ROBO2: variants seen among roughly 807,000 people sequenced by gnomAD.
ROBO2 encodes the protein roundabout guidance receptor 2.
ROBO2 carries 53 observed loss-of-function variants against 160.8 expected under a neutral mutation model. That is an observed-to-expected ratio of 0.33 (90% CI 0.26 to 0.41). The LOEUF is 0.41. ROBO2 is among the 10% of genes least tolerant of loss of function. The pLI is 1.00. For synonymous variants in ROBO2, 664 were observed against 611.7 expected (o/e 1.09, Z -1.26); for missense variants, 1,577 against 1,722.4 (o/e 0.92, Z 1.49).
At chr3:76,446,640 A>G (rs1337253825) in intron 2 of ROBO2, among the ~76,000 whole-genome samples, 1 of 152,206 alleles carries the variant, frequency 6.6e-6, no homozygotes. Context: ...ACTTCAAACT[A>G]TACTACAAGG....
At chr3:77,638,537 C>G (rs1434658221) in intron 24 of ROBO2, among the ~76,000 whole-genome samples, 1 of 152,116 alleles carries the variant, frequency 6.6e-6, no homozygotes, top group Non-Finnish European at 1.5e-5. Flanking sequence ...GCTGCCTTCC[C>G]TGTGTCCCAT....
intron 2 of ROBO2, among the ~76,000 whole-genome samples, chr3:76,932,284 G>A (rs1289304411): frequency 3.9e-5 from 6 of 152,036 alleles, no homozygotes; most frequent in African/African-American, 1.4e-4. Context: ...GTTCAATAAT[G>A]ATCTCAGCCT....
intron 2 of ROBO2, among the ~76,000 whole-genome samples, chr3:77,178,690 T>C (rs2080397577): frequency 6.6e-6 from 1 of 152,124 alleles, no homozygotes; most frequent in Non-Finnish European, 1.5e-5. Flanking sequence ...TATTGCCATG[T>C]ACATATTTTA....
chr3:76,796,052 G>T (rs764494433), intron 2 of ROBO2, among the ~76,000 whole-genome samples: 15 of 152,138 alleles, frequency 9.9e-5, no homozygotes, highest in Non-Finnish European at 1.5e-4. Context: ...TGAGCAATAG[G>T]TCTCAAAATT....
intron 2 of ROBO2, among the ~76,000 whole-genome samples, chr3:75,951,487 C>T (rs1322612463): frequency 2.0e-5 from 3 of 151,992 alleles, no homozygotes; most frequent in Admixed American, 6.6e-5. Flanking sequence ...TTAAATTTGG[C>T]TTGTAGGCCC....
intron 2 of ROBO2, among the ~76,000 whole-genome samples, chr3:76,697,563 C>T (rs999462418): frequency 1.1e-4 from 17 of 152,214 alleles, no homozygotes; most frequent in African/African-American, 4.1e-4. Context: ...GGGAGAATCG[C>T]TTGAACCTGC....
intron 2 of ROBO2, among the ~76,000 whole-genome samples, chr3:77,307,978 G>A (rs1302061730): frequency 6.6e-6 from 1 of 151,902 alleles, no homozygotes; most frequent in Non-Finnish European, 1.5e-5. Flanking sequence ...AAAAAAGTAG[G>A]AGTAGGGATG....
chr3:77,206,839 T>C (rs1560234072), intron 2 of ROBO2, among the ~76,000 whole-genome samples: 1 of 152,114 alleles, frequency 6.6e-6, no homozygotes, highest in Admixed American at 6.6e-5. Context: ...AAGAATTCTG[T>C]AATCCATTGA....
intron 2 of ROBO2, among the ~76,000 whole-genome samples, chr3:76,266,218 G>A (rs1707091694): frequency 6.6e-6 from 1 of 151,924 alleles, no homozygotes; most frequent in South Asian, 2.1e-4. Flanking sequence ...ACTTCATCAT[G>A]GTGCATGATC....
In ROBO2 at chr3:76,656,042, G is replaced by A. The variant is rs529469565; in HGVS notation, c.110-441972G>A. Among the ~76,000 whole-genome samples, 4 of 151,972 alleles carry A rather than the reference G, an allele frequency of 2.6e-5. No individual in the cohort carries two copies. The East Asian group carries it at 5.8e-4, about 22-fold the overall frequency. ...AATCATATAGATTTAATTATTAAAC[G>A]ACTCTTCCAATTCTTGGCTCAATTT... On this transcript the variant is annotated intron_variant, in intron 2 of 26. Coordinates refer to the ROBO2 transcript ENST00000487694.
chr3:75,939,270 C>T (rs575443404), intron 2 of ROBO2, among the ~76,000 whole-genome samples: 5 of 152,212 alleles, frequency 3.3e-5, no homozygotes, highest in Admixed American at 2.6e-4. Context: ...GTTGCTAAAA[C>T]CTTCCTCTGA....
At chr3:76,124,587 C>A (rs2070891530) in intron 2 of ROBO2, among the ~76,000 whole-genome samples, 1 of 151,878 alleles carries the variant, frequency 6.6e-6, no homozygotes, top group African/African-American at 2.4e-5. Flanking sequence ...TTCTTTTTTT[C>A]ATTTCTGTGA....
chr3:75,957,660 T>C (rs1948768908), intron 2 of ROBO2, among the ~76,000 whole-genome samples: 1 of 151,560 alleles, frequency 6.6e-6, no homozygotes, highest in South Asian at 2.1e-4. Context: ...ATGTTATTGA[T>C]GCGTTCTTGA....
chr3:77,012,728 G>A (rs1553727322), intron 2 of ROBO2, among the ~76,000 whole-genome samples: 1 of 152,126 alleles, frequency 6.6e-6, no homozygotes, highest in Non-Finnish European at 1.5e-5. Flanking sequence ...TAAAAATTCA[G>A]GTTGTCAGAC....
chr3:76,139,601 G>T (rs1170257128), intron 2 of ROBO2, among the ~76,000 whole-genome samples: 1 of 152,004 alleles, frequency 6.6e-6, no homozygotes, highest in Non-Finnish European at 1.5e-5. Flanking sequence ...GGAGGGTTTA[G>T]GTACACTCTG....
intron 2 of ROBO2, among the ~76,000 whole-genome samples, chr3:76,834,050 C>CTTTCTT (rs2067348725): frequency 2.0e-4 from 2 of 10,214 alleles, no homozygotes; most frequent in African/African-American, 2.9e-4. Context: ...CTTTCTTTCT[C>CTTTCTT]TCCTTTCTTT....
chr3:77,252,805 C>T (rs1324228627), intron 2 of ROBO2, among the ~76,000 whole-genome samples: 1 of 7,280 alleles, frequency 1.4e-4, no homozygotes, highest in Non-Finnish European at 2.3e-4. Flanking sequence ...AAGACTCCAT[C>T]TCAAAAAAAA....
intron 2 of ROBO2, among the ~76,000 whole-genome samples, chr3:77,351,619 G>T (rs1043400307): frequency 6.6e-6 from 1 of 152,090 alleles, no homozygotes. Flanking sequence ...AGTCATCTAC[G>T]TTGAAATACA....
At chr3:77,514,743 A>T (rs958307948) in intron 5 of ROBO2, among the ~76,000 whole-genome samples, 1 of 151,858 alleles carries the variant, frequency 6.6e-6, no homozygotes, top group Non-Finnish European at 1.5e-5. Context: ...GGAGAAATGC[A>T]TATTTTCCCA....
Sources: allele counts gnomAD v4.1 joint callset (sites outside exome capture counted in the v4.1 genomes callset), GRCh38; gene constraint gnomAD v4.1.1; transcripts MANE v1.5; gene names NCBI Gene and HGNC (gene_info 2026-07-23, HGNC 2026-07-21).